The following BRD9 variants were observed in gnomAD, a reference collection of about 807,000 sequenced individuals.
BRD9 encodes bromodomain-containing protein 9.
BRD9 carries 47 observed loss-of-function variants against 68.7 expected under a neutral mutation model. The ratio of observed to expected loss-of-function variants is 0.68; its 90% confidence interval spans 0.54 to 0.87. BRD9 has a LOEUF of 0.87. Among genes scored for constraint, BRD9 ranks in the 40% least tolerant of loss-of-function variants. BRD9 has a pLI of 0.00. For missense variants in BRD9, 670 were observed against 748.4 expected (o/e 0.90, Z 1.22); for synonymous variants, 313 against 293.9 (o/e 1.06, Z -0.67).
chr5:869,778 C>T (rs1002979718), intron 14 of BRD9, among the ~76,000 whole-genome samples: 8 of 152,222 alleles, frequency 5.3e-5, no homozygotes, highest in Admixed American at 2.6e-4. Context: ...CGACATTCCT[C>T]GCTTCAAGTT....
Position 883,973 on chromosome 5 carries a change from G to T in BRD9, c.931C>A (p.Arg311=). The change falls in exon 8 of 16, where the codon CGG becomes AGG. Residue 311 remains arginine (R), a synonymous_variant. Coordinates refer to ENST00000467963, the MANE Select transcript of BRD9 (RefSeq NM_023924.5). ...GGGAGGAACCGGTTGATCCTGTCCC[G>T]AGCTTCGTCAGCTGCGTGCTCCACC... is the stretch of plus-strand genomic sequence containing the variant. The part of the protein sequence containing the change: ...ALVEHAADEA[R]DRINRFLPGG... The T allele has an allele frequency of 6.2e-7, 1 of 1,613,344 alleles. No homozygotes were observed.
intron 14 of BRD9, chr5:865,837 C>CAG: frequency 2.4e-6 from 1 of 409,522 alleles, no homozygotes. Flanking sequence ...TAGCACCGCA[C>CAG]AGACCACGTC....
At chr5:886,965 TCTC>T (rs1417482377) in intron 6 of BRD9, 1 of 557,862 alleles carries the variant, frequency 1.8e-6, no homozygotes, top group Non-Finnish European at 3.2e-6. Flanking sequence ...CCCTTTACCT[TCTC>T]CTACGTGGGA....
intron 12 of BRD9, among the ~76,000 whole-genome samples, chr5:873,818 C>T (rs138697774): frequency 1.8e-3 from 275 of 152,326 alleles, no homozygotes; most frequent in Non-Finnish European, 2.8e-3. Flanking sequence ...GAGCCATGAG[C>T]CAAACGTTCT....
chr5:891,918 G>C (rs1303034856), intron 1 of BRD9, 64 bp from the exon 2 acceptor site: 1 of 1,539,956 alleles, frequency 6.5e-7, no homozygotes, highest in African/African-American at 1.4e-5. Context: ...AGCCAGGTGA[G>C]ACGTGAAGGT....
intron 6 of BRD9, 29 bp from the exon 7 acceptor site, chr5:886,736 G>T: frequency 6.2e-7 from 1 of 1,613,672 alleles, no homozygotes; most frequent in South Asian, 1.1e-5. Context: ...CTGCATAAAC[G>T]ACATGCTGCG....
Position 891,712 on chromosome 5 carries a change from T to C in BRD9, c.195A>G (p.Glu65=). ...RSDHERERHK[E]KKKKKKKKSE... ...ACTTCTTCTTCTTCTTCTTTTTCTT[T>C]TCTTTGTGCCTCTCTCGCTCATGGT... Residue 65 remains glutamate (E), a synonymous_variant, in exon 2 of 16, where the codon GAA becomes GAG. Transcript: ENST00000467963. 10 of 1,551,638 alleles carry C rather than the reference T, an allele frequency of 6.4e-6. No individual in the cohort carries two copies. Among genetic ancestry groups the C allele is most frequent in the Non-Finnish European group, 8.7e-6 (10 of 1,147,000 alleles).
Position 876,134 on chromosome 5 carries a change from T to C in BRD9, c.1350A>G (p.Gly450=). The C allele has an allele frequency of 6.2e-7, 1 of 1,613,596 alleles. No homozygotes were observed. Among genetic ancestry groups the C allele is most frequent in the East Asian group, 2.2e-5 (1 of 44,838 alleles). ...VDDLLDQITG[G]DHSRTLFQLK... ...GCTGGAAGAGCGTCCTAGAGTGGTC[T>C]CCGCCTGTGATCTGGTCCAGGAGGT... Residue 450 remains glycine (G), a synonymous_variant, in exon 12 of 16, where the codon GGA becomes GGG. Coordinates refer to ENST00000467963, the MANE Select transcript of BRD9 (RefSeq NM_023924.5).
At chr5:885,136 C>T (rs1490138124) in intron 7 of BRD9, among the ~76,000 whole-genome samples, 1 of 152,248 alleles carries the variant, frequency 6.6e-6, no homozygotes, top group Non-Finnish European at 1.5e-5. Context: ...GAAACCCCGA[C>T]CCCTGAAGGC....
intron 3 of BRD9, chr5:889,907 T>C: frequency 1.9e-6 from 1 of 530,374 alleles, no homozygotes; most frequent in Non-Finnish European, 3.3e-6. Flanking sequence ...TGGTGATCAC[T>C]TAGCAATGTT....
rs1750856316 is a variant in BRD9 at position 876,004 on chromosome 5, C to T, written c.1383+97G>A. 5.0e-6 allele frequency: 4 copies of T among 803,538 alleles called. No individual in the cohort carries two copies. The East Asian group carries it at 8.1e-5, about 16-fold the overall frequency. The allele number at this position is 803,538 out of a possible 1,614,324, so 49.8% of individuals were successfully genotyped here. ...GCCGGCAGCAGAGTCCCTGCGACAG[C>T]TCCTCGTCCCCGAAAGCCTGGTCAG... On this transcript the variant is annotated intron_variant, in intron 12 of 15. Transcript: ENST00000467963.
chr5:865,309 G>C, intron 15 of BRD9, 105 bp downstream of exon 15: 1 of 1,399,232 alleles, frequency 7.1e-7, no homozygotes, highest in South Asian at 1.4e-5. Context: ...TGCCCATGCA[G>C]CCTCCAGCCT....
chr5:882,002 G>GT (rs1751839608), intron 8 of BRD9: 1 of 152,664 alleles, frequency 6.6e-6, no homozygotes, highest in South Asian at 2.1e-4. Flanking sequence ...TTCAACCCAT[G>GT]TAAACACAGG....
intron 6 of BRD9, 28 bp from the exon 7 acceptor site, chr5:886,735 C>T (rs1752627378): frequency 2.5e-6 from 4 of 1,613,822 alleles, no homozygotes; most frequent in Non-Finnish European, 2.5e-6. Flanking sequence ...CCTGCATAAA[C>T]GACATGCTGC....
chr5:865,629 G>A lies in BRD9; in HGVS notation c.1526-48C>T, dbSNP rs368037780. On this transcript the variant is annotated intron_variant, in intron 14 of 15. Coordinates refer to ENST00000467963, the MANE Select transcript of BRD9 (RefSeq NM_023924.5). ...CACGTCGGCTGAGCTCAGCCGGCCC[G>A]TCTACCCTAAGGGCAGGAGCACACT... 3.7e-5 allele frequency: 57 copies of A among 1,545,216 alleles called. 1 individual carries two copies. Among genetic ancestry groups the A allele is most frequent in the East Asian group, 4.6e-5 (2 of 43,658 alleles).
intron 3 of BRD9, 55 bp from the exon 4 acceptor site, chr5:889,702 G>C: frequency 1.2e-6 from 2 of 1,600,326 alleles, no homozygotes; most frequent in Non-Finnish European, 1.7e-6. Context: ...CCCTTCATTA[G>C]AGAGCTCCAA....
chr5:876,336 C>A (rs560865374), intron 11 of BRD9, 124 bp from the exon 12 acceptor site: 1 of 659,894 alleles, frequency 1.5e-6, no homozygotes, highest in Non-Finnish European at 2.6e-6. Flanking sequence ...CCTCCCAGAG[C>A]GGGTATTTTG....
intron 14 of BRD9, among the ~76,000 whole-genome samples, chr5:867,843 C>T (rs1749579142): frequency 6.6e-6 from 1 of 152,232 alleles, no homozygotes; most frequent in Non-Finnish European, 1.5e-5. Flanking sequence ...GGACTGTGGA[C>T]TTCTGAGTTA....
chr5:867,745 C>T (rs535987180), intron 14 of BRD9, among the ~76,000 whole-genome samples: 2 of 152,352 alleles, frequency 1.3e-5, no homozygotes, highest in East Asian at 3.9e-4. Context: ...ATGTCTGTAC[C>T]CGATTTGTAT....
Sources: gnomAD v4.1 joint callset for allele counts (sites outside exome capture counted in the v4.1 genomes callset) on GRCh38, gnomAD v4.1.1 for gene constraint, MANE v1.5 for transcripts, NCBI Gene and HGNC (gene_info 2026-07-23, HGNC 2026-07-21) for gene names.